Variants in PITPNM3 observed in about 807,000 individuals in gnomAD.
PITPNM3 encodes membrane-associated phosphatidylinositol transfer protein 3.
In PITPNM3, 26 loss-of-function variants were observed where a neutral mutation model predicts 102.0. The ratio of observed to expected loss-of-function variants is 0.25; its 90% CI spans 0.19 to 0.35. PITPNM3 has a LOEUF of 0.35. PITPNM3 is among the 10% of genes least tolerant of loss of function. PITPNM3 has a pLI of 1.00. For missense variants in PITPNM3, 1,083 were observed against 1,346.1 expected (o/e 0.80, Z 3.06); for synonymous variants, 578 against 558.6 (o/e 1.03, Z -0.49).
intron 8 of PITPNM3, 129 bp downstream of exon 8, chr17:6,477,846 G>A (rs1905403108): frequency 3.3e-6 from 5 of 1,516,606 alleles, no homozygotes; most frequent in Non-Finnish European, 4.5e-6. Flanking sequence ...GCGCCCAGCT[G>A]GATTATGATA....
chr17:6,548,745 G>A (rs1597421121), intron 1 of PITPNM3, among the ~76,000 whole-genome samples: 1 of 152,110 alleles, frequency 6.6e-6, no homozygotes, highest in Non-Finnish European at 1.5e-5. Context: ...AGGAGGGCAG[G>A]AGTGCAGGAC....
Position 6,517,521 on chromosome 17 carries a change from A to G in PITPNM3, c.226+7835T>C, listed in dbSNP as rs915073125. Among the ~76,000 whole-genome samples the G allele has an allele frequency of 6.6e-6, 1 of 152,158 alleles. No individual in the cohort carries two copies. Among genetic ancestry groups the G allele is most frequent in the African/African-American group, 2.4e-5 (1 of 41,440 alleles). The stretch of plus-strand genomic sequence containing the variant: ...AGGGATAGCATAGATAGAGCTACTG[A>G]CTTAATCCAAACCCTGGTAGAAAAT... On this transcript the variant is annotated intron_variant, in intron 3 of 19. Transcript: ENST00000262483. This position sits in a 1 kb window ranked among gnomAD's most constrained non-coding sequence, Gnocchi z 4.1.
chr17:6,526,041 A>G lies in PITPNM3; in HGVS notation c.119-578T>C, dbSNP rs1597403243. ...GTGCTGCAGAAGCAGCTCTGGAGTA[A>G]CTGGAGGAGAAGAAACCTTCCGGTT... On this transcript the variant is annotated intron_variant, in intron 2 of 19. Coordinates refer to ENST00000262483, the MANE Select transcript of PITPNM3 (RefSeq NM_031220.4). 2.0e-5 allele frequency among the ~76,000 whole-genome samples: 3 copies of G among 152,322 alleles called. No individual in the cohort carries two copies. The East Asian group carries it at 5.8e-4, about 29-fold the overall frequency.
In PITPNM3 at chr17:6,482,028, C is replaced by G. The variant is rs866213013; in HGVS notation, c.587+1489G>C. On this transcript the variant is annotated intron_variant, in intron 6 of 19. Transcript: ENST00000262483. ...TCTCTCTCTCTCTCTCTCTCTCTCT[C>G]TCTCTCTGTCTGTCTCTCTCTCTCT... 6.9e-3 allele frequency among the ~76,000 whole-genome samples: 664 copies of G among 95,632 alleles called. 19 individuals carry two copies. The highest frequency in any genetic ancestry group is 9.6e-3 in the Non-Finnish European group (459 of 47,864). The allele number at this position is 95,632 out of a possible 152,430, so 62.7% of individuals were successfully genotyped here.
chr17:6,553,482 T>C (rs899226029), intron 1 of PITPNM3, among the ~76,000 whole-genome samples: 1 of 152,210 alleles, frequency 6.6e-6, no homozygotes, highest in Non-Finnish European at 1.5e-5. Context: ...GCCACAAATC[T>C]GGCACAGCCA....
intron 2 of PITPNM3, among the ~76,000 whole-genome samples, chr17:6,532,938 C>T (rs1350094783): frequency 1.3e-5 from 2 of 152,056 alleles, no homozygotes; most frequent in Non-Finnish European, 2.9e-5. Flanking sequence ...GTTTGAAAGT[C>T]CCAGTGCCTC....
intron 1 of PITPNM3, among the ~76,000 whole-genome samples, chr17:6,554,861 C>A (rs1910516603): frequency 6.6e-6 from 1 of 152,200 alleles, no homozygotes; most frequent in Non-Finnish European, 1.5e-5. Flanking sequence ...GATCACGGTA[C>A]AGTAAAGAGC....
Position 6,455,669 on chromosome 17 carries a change from G to C in PITPNM3, c.2620-26C>G, listed in dbSNP as rs73346328. 431,957 of 1,386,704 alleles carry C rather than the reference G, an allele frequency of 0.31. 76,367 individuals carry two copies. Among genetic ancestry groups the C allele is most frequent in the East Asian group, 0.48 (18,215 of 38,184 alleles). The allele number at this position is 1,386,704 out of a possible 1,614,324, so 85.9% of individuals were successfully genotyped here. ...CTGCGGAGGGCAGGGGAGGGCAGGG[G>C]AGGGCAGGGCAGGGCAGCAGCGCAG... On this transcript the variant is annotated intron_variant, in intron 19 of 19. Coordinates refer to ENST00000262483, the MANE Select transcript of PITPNM3 (RefSeq NM_031220.4).
chr17:6,555,075 A>C (rs1380121129), intron 1 of PITPNM3, among the ~76,000 whole-genome samples: 1 of 152,098 alleles, frequency 6.6e-6, no homozygotes, highest in Non-Finnish European at 1.5e-5. Context: ...GGCACGGTGG[A>C]GGAAAGAGGG....
chr17:6,482,034 CTGTCTG>C (rs1567670347), intron 6 of PITPNM3, among the ~76,000 whole-genome samples: 5,209 of 75,338 alleles, frequency 0.069, 148 homozygotes, highest in Non-Finnish European at 0.093. Flanking sequence ...CTCTCTCTCT[CTGTCTG>C]TCTCTCTCTC....
In PITPNM3 at chr17:6,478,816, G is replaced by T. The variant is rs1330832946; in HGVS notation, c.588-80C>A. On this transcript the variant is annotated intron_variant, in intron 6 of 19. Coordinates refer to ENST00000262483, the MANE Select transcript of PITPNM3 (RefSeq NM_031220.4). The surrounding 1 kb of genome is among the most constrained non-coding windows in gnomAD (Gnocchi z 4.4). ...TTGGGGCTGAGGATCAGGCAGAAGAGAGCACATACTGGCCAGGAATTGGGC... is the reference window on the plus strand; with the variant it reads ...TTGGGGCTGAGGATCAGGCAGAAGATAGCACATACTGGCCAGGAATTGGGC... The T allele has an allele frequency of 7.2e-6, 10 of 1,393,362 alleles. No homozygotes were observed. In the East Asian group the frequency reaches 2.2e-4, roughly 31 times the overall value. The allele number at this position is 1,393,362 out of a possible 1,614,324, so 86.3% of individuals were successfully genotyped here.
rs1014296804 is a variant in PITPNM3 at position 6,469,280 on chromosome 17, C to T, written c.1774-939G>A. Among the ~76,000 whole-genome samples the T allele has an allele frequency of 7.9e-5, 12 of 152,210 alleles. No individual in the cohort carries two copies. The highest frequency in any genetic ancestry group is 1.3e-4 in the Non-Finnish European group (9 of 68,038). ...CTCTACTCCCCTTCCGTCCCAGCAACTAAGAGGCAGCTCACACTTCACACA... is the reference window on the plus strand; with the variant it reads ...CTCTACTCCCCTTCCGTCCCAGCAATTAAGAGGCAGCTCACACTTCACACA... On this transcript the variant is annotated intron_variant, in intron 13 of 19. Coordinates refer to ENST00000262483, the MANE Select transcript of PITPNM3 (RefSeq NM_031220.4). The surrounding 1 kb of genome is among the most constrained non-coding windows in gnomAD (Gnocchi z 4.0).
intron 17 of PITPNM3, among the ~76,000 whole-genome samples, chr17:6,462,903 C>A (rs560934546): frequency 6.6e-6 from 1 of 152,056 alleles, no homozygotes; most frequent in East Asian, 1.9e-4. Context: ...ATGGGGAGCA[C>A]CCTGGAGCCC....
At chr17:6,508,226 C>A (rs1907658982) in intron 3 of PITPNM3, among the ~76,000 whole-genome samples, 1 of 152,214 alleles carries the variant, frequency 6.6e-6, no homozygotes, top group Admixed American at 6.5e-5. Context: ...GGACCAAGCT[C>A]TGGGACTCCT....
chr17:6,457,766 C>T lies in PITPNM3; in HGVS notation c.2491-44G>A, dbSNP rs1249976821. On this transcript the variant is annotated intron_variant, in intron 18 of 19. Transcript: ENST00000262483. This position sits in a 1 kb window ranked among gnomAD's most constrained non-coding sequence, Gnocchi z 4.7. The stretch of plus-strand genomic sequence containing the variant: ...ATAGGGGGAGAGTGAGGCCAGCCCA[C>T]CCCCTGGAAAGCCTTCCCAGGCCAA... 10 of 1,554,798 alleles carry T rather than the reference C, an allele frequency of 6.4e-6. No homozygotes were observed. The highest frequency in any genetic ancestry group is 2.4e-5 in the South Asian group (2 of 84,326).
At chr17:6,499,692 G>A (rs1386258832) in intron 4 of PITPNM3, among the ~76,000 whole-genome samples, 1 of 148,836 alleles carries the variant, frequency 6.7e-6, no homozygotes, top group African/African-American at 2.5e-5. Flanking sequence ...TAGATGATAT[G>A]GCCATCTTTT....
intron 1 of PITPNM3, among the ~76,000 whole-genome samples, chr17:6,552,886 C>G (rs1226868875): frequency 6.6e-6 from 1 of 151,866 alleles, no homozygotes; most frequent in Non-Finnish European, 1.5e-5. Context: ...CTCGCCTCAG[C>G]CTCTCAAGAA....
In PITPNM3 at chr17:6,484,216, C is replaced by T. The variant is rs776051688; in HGVS notation, c.351G>A (p.Glu117=). 16 of 1,606,278 alleles carry T rather than the reference C, an allele frequency of 1.0e-5. No homozygotes were observed. Among genetic ancestry groups the T allele is most frequent in the Middle Eastern group, 1.6e-4 (1 of 6,072 alleles). Residue 117 remains glutamate, a splice_region_variant and synonymous_variant, in exon 5 of 20, where the codon GAG becomes GAA. Transcript: ENST00000262483. The stretch of plus-strand genomic sequence containing the variant: ...AGACACCCTCCGAAGCCCAGCCTAC[C>T]TCGCTGTCTTCGTGGATCTCGATGC... ...QGSIEIHEDS[E]EGCPQRSCKT...
rs1042271913 is a variant in PITPNM3, at chr17:6,469,389, C to T, written c.1773+871G>A. Among the ~76,000 whole-genome samples, 1 of 151,678 alleles carries T rather than the reference C, an allele frequency of 6.6e-6. No individual in the cohort carries two copies. Among genetic ancestry groups the T allele is most frequent in the East Asian group, 1.9e-4 (1 of 5,130 alleles). On this transcript the variant is annotated intron_variant, in intron 13 of 19. Coordinates refer to ENST00000262483, the MANE Select transcript of PITPNM3 (RefSeq NM_031220.4). This position sits in a 1 kb window ranked among gnomAD's most constrained non-coding sequence, Gnocchi z 4.0. ...TGGGTGCCACCGGGCTGGGGACCCA[C>T]CCCCAGCCCAGCACACTCTCTCCCA...
Sources: allele counts gnomAD v4.1 joint callset (sites outside exome capture counted in the v4.1 genomes callset), GRCh38; gene constraint gnomAD v4.1.1; non-coding constraint Gnocchi (gnomAD v3.1); transcripts MANE v1.5; gene names NCBI Gene and HGNC (gene_info 2026-07-23, HGNC 2026-07-21).